The following LATS1 variants were observed in gnomAD, a reference collection of about 807,000 sequenced individuals.
LATS1 encodes serine/threonine-protein kinase LATS1.
In LATS1, 25 loss-of-function variants were observed where a neutral mutation model predicts 106.6. The ratio of observed to expected loss-of-function variants is 0.23; its 90% CI spans 0.17 to 0.33. LATS1 has a LOEUF of 0.33. Among genes scored for constraint, LATS1 ranks in the 10% least tolerant of loss-of-function variants. The probability of loss-of-function intolerance (pLI) is 1.00; values close to 1 mark genes in which losing one functional copy is unlikely to be tolerated. For synonymous variants in LATS1, 465 were observed against 455.6 expected (o/e 1.02, Z -0.26); for missense variants, 1,040 against 1,382.6 (o/e 0.75, Z 3.93).
intron 2 of LATS1, among the ~76,000 whole-genome samples, 172 bp from the exon 3 acceptor site, chr6:149,695,393 C>T (rs115854278): frequency 0.024 from 3,664 of 152,212 alleles, 134 homozygotes; most frequent in African/African-American, 0.083. Context: ...CACAAAATCT[C>T]AACTAAAACA....
intron 1 of LATS1, chr6:149,716,354 A>C (rs1784394696): frequency 6.6e-6 from 1 of 152,338 alleles, no homozygotes; most frequent in African/African-American, 2.4e-5. Context: ...CATTTTCTTC[A>C]GTTCACTTTC....
intron 7 of LATS1, among the ~76,000 whole-genome samples, chr6:149,671,122 TTTTGTTTG>T (rs35098962): frequency 1.3e-4 from 19 of 150,620 alleles, no homozygotes; most frequent in South Asian, 4.2e-4. Flanking sequence ...TCAGTTGTTT[TTTTGTTTG>T]TTTGTTTGTT....
chr6:149,710,337 C>A (rs1200622367), intron 1 of LATS1, among the ~76,000 whole-genome samples: 2 of 152,178 alleles, frequency 1.3e-5, no homozygotes, highest in South Asian at 4.1e-4. Flanking sequence ...AGCGGGGTAT[C>A]CTATGTGGTT....
At chr6:149,705,586 G>C (rs942345673) in intron 1 of LATS1, among the ~76,000 whole-genome samples, 7 of 149,894 alleles carry the variant, frequency 4.7e-5, no homozygotes, top group African/African-American at 1.7e-4. Context: ...CATTCTGACA[G>C]AGAGAGAGAG....
chr6:149,698,768 G>T (rs1188657220), intron 2 of LATS1, among the ~76,000 whole-genome samples: 2 of 151,186 alleles, frequency 1.3e-5, no homozygotes, highest in Non-Finnish European at 2.9e-5. Flanking sequence ...CACCATATTG[G>T]CCAGGCTGGT....
At chr6:149,666,434 G>A (rs12661237) in intron 7 of LATS1, among the ~76,000 whole-genome samples, 4,933 of 150,804 alleles carry the variant, frequency 0.033, 253 homozygotes, top group African/African-American at 0.1. Flanking sequence ...TGGCCAATGC[G>A]GTGAAACCCC....
At chr6:149,700,006 C>G (rs1425652903) in intron 2 of LATS1, among the ~76,000 whole-genome samples, 1 of 152,196 alleles carries the variant, frequency 6.6e-6, no homozygotes, top group Non-Finnish European at 1.5e-5. Flanking sequence ...AATCTCCACT[C>G]AAGCCATTTC....
chr6:149,699,957 G>C (rs763143563), intron 2 of LATS1, among the ~76,000 whole-genome samples: 2 of 152,074 alleles, frequency 1.3e-5, no homozygotes, highest in Non-Finnish European at 2.9e-5. Flanking sequence ...ATTATACTTT[G>C]CCTTTTGGCT....
intron 1 of LATS1, among the ~76,000 whole-genome samples, chr6:149,706,715 GTGA>G (rs1290762266): frequency 1.3e-5 from 2 of 152,154 alleles, no homozygotes; most frequent in Admixed American, 6.5e-5. Context: ...GGAAGGCAAT[GTGA>G]TGATGAAGTC....
chr6:149,678,475 G>T (rs754055982), intron 5 of LATS1, among the ~76,000 whole-genome samples: 1 of 152,128 alleles, frequency 6.6e-6, no homozygotes, highest in Non-Finnish European at 1.5e-5. Context: ...TAATTCAGTC[G>T]AATCTGGGAA....
Position 149,701,789 on chromosome 6 carries a change from C to T in LATS1, c.338G>A (p.Gly113Glu). ...PQMLQDLQAA[G>E]FDEDMVIQAL... ...TTTAAACATTCTTACCTCATCAAATCCAGCAGCTTGCAAGTCTTGAAGCAT... is the reference window on the plus strand; with the variant it reads ...TTTAAACATTCTTACCTCATCAAATTCAGCAGCTTGCAAGTCTTGAAGCAT... The change falls in exon 2 of 8, where the codon GGA becomes GAA. Residue 113 changes from glycine (G) to glutamate (E), a missense_variant. Physicochemically the swap from Gly to Glu is moderately conservative, Grantham distance 98. Transcript: ENST00000543571. 1 of 1,609,868 alleles carries T rather than the reference C, an allele frequency of 6.2e-7. No homozygotes were observed. The highest frequency in any genetic ancestry group is 8.5e-7 in the Non-Finnish European group (1 of 1,177,214).
In LATS1 at chr6:149,684,096, G is replaced by A; in HGVS notation, c.993C>T (p.Ile331=). The stretch of plus-strand genomic sequence containing the variant: ...AGTTAAATTTGCTAGAACTCTGCAT[G>A]ATGATTGGTTGTCTGCCAACAGGAA... ...SSVPVGRQPI[I]MQSSSKFNFP... The change falls in exon 4 of 8, where the codon ATC becomes ATT. Residue 331 remains isoleucine, a synonymous_variant. Transcript: ENST00000543571. 1 of 1,614,204 alleles carries A rather than the reference G, an allele frequency of 6.2e-7. No homozygotes were observed. Among genetic ancestry groups the A allele is most frequent in the African/African-American group, 1.3e-5 (1 of 75,064 alleles).
At chr6:149,694,232 A>C (rs1782937110) in intron 3 of LATS1, among the ~76,000 whole-genome samples, 1 of 152,250 alleles carries the variant, frequency 6.6e-6, no homozygotes, top group Non-Finnish European at 1.5e-5. Flanking sequence ...CTATAAGGGT[A>C]ATTACTGCAG....
At chr6:149,672,824 G>A (rs1417277027) in intron 7 of LATS1, among the ~76,000 whole-genome samples, 1 of 151,780 alleles carries the variant, frequency 6.6e-6, no homozygotes, top group Non-Finnish European at 1.5e-5. Flanking sequence ...CATGCCTGTA[G>A]TCTCAGCTAC....
In LATS1 at chr6:149,684,111, G is replaced by T; in HGVS notation, c.978C>A (p.Gly326=). 1.2e-6 allele frequency: 2 copies of T among 1,614,166 alleles called. No individual in the cohort carries two copies. The highest frequency in any genetic ancestry group is 1.7e-6 in the Non-Finnish European group (2 of 1,180,010). The change falls in exon 4 of 8, where the codon GGC becomes GGA. Residue 326 remains glycine (G), a synonymous_variant. Coordinates refer to ENST00000543571, the MANE Select transcript of LATS1 (RefSeq NM_004690.4). Reference sequence around the variant, plus strand: ...AACTCTGCATGATGATTGGTTGTCTGCCAACAGGAACAGAACTAATGCCTC... The same window carrying T: ...AACTCTGCATGATGATTGGTTGTCTTCCAACAGGAACAGAACTAATGCCTC... ...GQRGISSVPV[G]RQPIIMQSSS... is the part of the protein sequence containing the mutation.
intron 7 of LATS1, among the ~76,000 whole-genome samples, chr6:149,669,788 A>G (rs1236653114): frequency 6.6e-6 from 1 of 152,012 alleles, no homozygotes; most frequent in South Asian, 2.1e-4. Context: ...TCAAATAACT[A>G]CAACATAAAT....
chr6:149,699,797 T>C (rs1783346047), intron 2 of LATS1, among the ~76,000 whole-genome samples: 1 of 152,174 alleles, frequency 6.6e-6, no homozygotes, highest in South Asian at 2.1e-4. Context: ...GACTGATGGG[T>C]GGGGTGCACA....
chr6:149,709,928 C>A (rs1037991382), intron 1 of LATS1, among the ~76,000 whole-genome samples: 1 of 152,002 alleles, frequency 6.6e-6, no homozygotes, highest in African/African-American at 2.4e-5. Context: ...CCTGCCTCGG[C>A]CTCCCAAGGT....
chr6:149,696,610 C>A (rs1195747403), intron 2 of LATS1, among the ~76,000 whole-genome samples: 3 of 136,690 alleles, frequency 2.2e-5, no homozygotes, highest in Non-Finnish European at 4.7e-5. Context: ...ATATGAGTAT[C>A]TTGGTATTTT....
Sources: gnomAD v4.1 joint callset for allele counts (sites outside exome capture counted in the v4.1 genomes callset) on GRCh38, gnomAD v4.1.1 for gene constraint, MANE v1.5 for transcripts, NCBI Gene and HGNC (gene_info 2026-07-23, HGNC 2026-07-21) for gene names.